The following MEGF11 variants were observed in gnomAD, a reference collection of about 807,000 sequenced individuals.
The protein encoded by MEGF11 is multiple epidermal growth factor-like domains protein 11.
Under a neutral mutation model 146.6 loss-of-function variants are expected in MEGF11, and 126 were observed. The ratio of observed to expected loss-of-function variants is 0.86; its 90% CI spans 0.74 to 1.00. MEGF11 has a LOEUF of 1.00. MEGF11 is among the 50% of genes least tolerant of loss of function. The probability of loss-of-function intolerance (pLI) is 0.00; values close to 1 mark genes in which losing one functional copy is unlikely to be tolerated. For missense variants in MEGF11, 1,509 were observed against 1,521.2 expected (o/e 0.99, Z 0.13); for synonymous variants, 532 against 583.4 (o/e 0.91, Z 1.27).
chr15:65,940,384 C>T (rs940187486), intron 10 of MEGF11, among the ~76,000 whole-genome samples: 2 of 152,248 alleles, frequency 1.3e-5, no homozygotes, highest in Non-Finnish European at 2.9e-5. Context: ...CTCCTGCCCA[C>T]CCTTGTCAGT....
intron 2 of MEGF11, among the ~76,000 whole-genome samples, chr15:66,125,716 A>G (rs1194698238): frequency 2.0e-5 from 3 of 152,238 alleles, no homozygotes; most frequent in Non-Finnish European, 2.9e-5. Context: ...ACAGGCAATG[A>G]TTCACTTCCC....
chr15:66,011,720 C>CTATTATTATTATTAT (rs55863629), intron 5 of MEGF11, among the ~76,000 whole-genome samples: 6,125 of 149,342 alleles, frequency 0.041, 165 homozygotes, highest in African/African-American at 0.063. Context: ...GGGAATTTAG[C>CTATTATTATTATTAT]TATTATTATT....
intron 7 of MEGF11, among the ~76,000 whole-genome samples, chr15:65,974,322 G>A (rs1165047472): frequency 3.3e-5 from 5 of 152,120 alleles, no homozygotes; most frequent in Non-Finnish European, 1.5e-5. Context: ...AGAAGCAGCC[G>A]AGGACAGTGA....
intron 5 of MEGF11, among the ~76,000 whole-genome samples, chr15:66,013,145 C>A (rs2082762657): frequency 6.6e-6 from 1 of 152,220 alleles, no homozygotes; most frequent in Admixed American, 6.5e-5. Flanking sequence ...GTCCTCCATG[C>A]CCTTTCCCAT....
chr15:66,022,051 G>A (rs556917323), intron 5 of MEGF11, among the ~76,000 whole-genome samples: 1 of 152,340 alleles, frequency 6.6e-6, no homozygotes, highest in Non-Finnish European at 1.5e-5. Context: ...TGTCTAGCCA[G>A]GCAGGTGGTG....
At chr15:65,977,770 G>T (rs1330474969) in intron 7 of MEGF11, among the ~76,000 whole-genome samples, 2 of 151,950 alleles carry the variant, frequency 1.3e-5, no homozygotes, top group African/African-American at 2.4e-5. Flanking sequence ...TTGTGTGTGT[G>T]TGTGTATGCA....
rs147702848 is a variant in MEGF11 at position 66,024,220 on chromosome 15, C to G, written c.395-41732G>C. 4.8e-4 allele frequency among the ~76,000 whole-genome samples: 73 copies of G among 152,402 alleles called. No homozygotes were observed. The East Asian group carries it at 0.014, about 29-fold the overall frequency. ...GCCACAAAGGCCTCCATTTAGAGTT[C>G]AGGTACTTTGGGGAACATGGCTGCC... On this transcript the variant is annotated intron_variant, in intron 5 of 25. Transcript: ENST00000395614.
chr15:66,125,087 G>C (rs1444115281), intron 2 of MEGF11, among the ~76,000 whole-genome samples: 1 of 152,228 alleles, frequency 6.6e-6, no homozygotes, highest in East Asian at 1.9e-4. Flanking sequence ...TCCACGGTAG[G>C]CTCTCTGATG....
In MEGF11 at chr15:66,004,754, G is replaced by A. The variant is rs577479240; in HGVS notation, c.395-22266C>T. Among the ~76,000 whole-genome samples, 9 of 152,244 alleles carry A rather than the reference G, an allele frequency of 5.9e-5. No individual in the cohort carries two copies. In the East Asian group the frequency reaches 1.7e-3, roughly 29 times the overall value. On this transcript the variant is annotated intron_variant, in intron 5 of 25. Transcript: ENST00000395614. ...GGGAGTGAATTCTACAGTGGGTGAA[G>A]GTTGGACTCTGTGACCTGAGAGGAC...
intron 5 of MEGF11, among the ~76,000 whole-genome samples, chr15:65,987,791 A>G (rs2081914749): frequency 6.6e-6 from 1 of 151,470 alleles, no homozygotes; most frequent in Admixed American, 6.6e-5. Flanking sequence ...GCTCACTGCA[A>G]CCTCCACCTC....
intron 1 of MEGF11, among the ~76,000 whole-genome samples, chr15:66,252,833 G>T (rs79108513): frequency 6.6e-6 from 1 of 152,176 alleles, no homozygotes; most frequent in East Asian, 1.9e-4. Flanking sequence ...ACGGCTGGGC[G>T]AGAAGTTGGG....
chr15:65,965,249 C>T, intron 8 of MEGF11, 129 bp from the exon 9 acceptor site: 1 of 681,512 alleles, frequency 1.5e-6, no homozygotes, highest in Non-Finnish European at 2.4e-6. Flanking sequence ...CTCACAGCCT[C>T]CTCCCCTTTT....
intron 1 of MEGF11, among the ~76,000 whole-genome samples, chr15:66,148,769 G>T (rs982358510): frequency 1.1e-4 from 16 of 152,170 alleles, no homozygotes; most frequent in African/African-American, 3.6e-4. Context: ...CTGGTGCGGG[G>T]TCCCTGGTCG....
chr15:66,036,573 C>T (rs574904302), intron 5 of MEGF11, among the ~76,000 whole-genome samples: 21 of 152,328 alleles, frequency 1.4e-4, no homozygotes, highest in African/African-American at 4.6e-4. Context: ...TTCTGACAGC[C>T]TCAGTGTTTC....
intron 5 of MEGF11, among the ~76,000 whole-genome samples, chr15:65,991,035 G>A (rs1205536507): frequency 6.6e-6 from 1 of 152,232 alleles, no homozygotes; most frequent in Non-Finnish European, 1.5e-5. Flanking sequence ...CCTAGAAGAT[G>A]CTGACAGCAC....
intron 24 of MEGF11, among the ~76,000 whole-genome samples, chr15:65,901,225 C>G (rs1224138186): frequency 6.6e-6 from 1 of 152,202 alleles, no homozygotes; most frequent in East Asian, 1.9e-4. Context: ...GTTCTCTGAA[C>G]TCACCAGCCA....
chr15:66,107,060 C>CCCG (rs111544754), intron 4 of MEGF11, among the ~76,000 whole-genome samples: 4 of 150,840 alleles, frequency 2.7e-5, no homozygotes, highest in African/African-American at 9.8e-5. Flanking sequence ...TCCTACCCCC[C>CCCG]CACCAGGTAT....
chr15:65,922,519 C>G, intron 14 of MEGF11, 47 bp from the exon 15 acceptor site: 1 of 1,499,278 alleles, frequency 6.7e-7, no homozygotes, highest in Middle Eastern at 1.9e-4. Context: ...GAGACCCCAG[C>G]CAGCCTAGCT....
chr15:65,946,645 G>A (rs1305997110), intron 10 of MEGF11, among the ~76,000 whole-genome samples: 1 of 152,082 alleles, frequency 6.6e-6, no homozygotes, highest in Admixed American at 6.5e-5. Context: ...CACCCACTTC[G>A]GCCTCCCAAA....
Sources: gnomAD v4.1 joint callset for allele counts (sites outside exome capture counted in the v4.1 genomes callset) on GRCh38, gnomAD v4.1.1 for gene constraint, MANE v1.5 for transcripts, NCBI Gene and HGNC (gene_info 2026-07-23, HGNC 2026-07-21) for gene names.